TENM3: variants seen among roughly 807,000 people sequenced by gnomAD.
TENM3 encodes the protein teneurin-3.
A neutral mutation model predicts 255.1 loss-of-function variants in TENM3; 63 were observed. The observed-to-expected ratio is 0.25, with a 90% CI of 0.20 to 0.30. The LOEUF is 0.30. Ranked by LOEUF, TENM3 falls within the 10% of genes least tolerant of loss-of-function variation. TENM3 has a pLI of 1.00. For missense variants in TENM3, 2,929 were observed against 3,461.1 expected (o/e 0.85, Z 3.86); for synonymous variants, 1,306 against 1,322.3 (o/e 0.99, Z 0.27).
At chr4:182,761,526 GA>G (rs370963326) in intron 22 of TENM3, among the ~76,000 whole-genome samples, 1 of 152,028 alleles carries the variant, frequency 6.6e-6, no homozygotes, top group African/African-American at 2.4e-5. Flanking sequence ...CTGAAACACT[GA>G]ACCTTGCATC....
At chr4:182,211,842 A>G (rs1043866688) in intron 1 of TENM3, among the ~76,000 whole-genome samples, 2 of 152,170 alleles carry the variant, frequency 1.3e-5, no homozygotes, top group Non-Finnish European at 2.9e-5. Flanking sequence ...GTGACTTTGT[A>G]CAGATTCCTT....
At chr4:181,557,945 C>T in the TENM3 span, among the ~76,000 whole-genome samples, 2 of 152,194 alleles carry the variant, frequency 1.3e-5, no homozygotes, top group African/African-American at 2.4e-5. Flanking sequence ...TCAGGTCTAT[C>T]GAAGCCTAAA....
the TENM3 span, among the ~76,000 whole-genome samples, chr4:181,773,835 T>C: frequency 6.6e-6 from 1 of 152,150 alleles, no homozygotes; most frequent in African/African-American, 2.4e-5. Context: ...ATGTCCAATT[T>C]TAAGGGGCCT....
At chr4:182,048,385 C>T in the TENM3 span, among the ~76,000 whole-genome samples, 2 of 152,094 alleles carry the variant, frequency 1.3e-5, no homozygotes, top group African/African-American at 4.8e-5. Flanking sequence ...ATAACACCTC[C>T]TTAGTTCACC....
At chr4:182,418,952 C>T (rs985693436) in intron 3 of TENM3, among the ~76,000 whole-genome samples, 25 of 152,062 alleles carry the variant, frequency 1.6e-4, no homozygotes, top group African/African-American at 3.9e-4. Context: ...CGGCACGTTC[C>T]GTCCTTAGGG....
intron 2 of TENM3, among the ~76,000 whole-genome samples, chr4:182,341,330 CT>C (rs1472672698): frequency 1.3e-5 from 2 of 151,900 alleles, no homozygotes; most frequent in Non-Finnish European, 2.9e-5. Flanking sequence ...CATTTACAAC[CT>C]TTTCTAAATG....
chr4:182,033,154 T>C, the TENM3 span, among the ~76,000 whole-genome samples: 185 of 152,300 alleles, frequency 1.2e-3, no homozygotes, highest in African/African-American at 4.3e-3. Context: ...ACTTGAGATC[T>C]TTCTAGCTTT....
intron 3 of TENM3, among the ~76,000 whole-genome samples, chr4:182,483,107 T>C (rs1734356429): frequency 6.6e-6 from 1 of 152,192 alleles, no homozygotes; most frequent in South Asian, 2.1e-4. Context: ...ATTCAAGCTT[T>C]AAAGCAGAAC....
the TENM3 span, among the ~76,000 whole-genome samples, chr4:181,918,044 G>T: frequency 7.6e-3 from 1,154 of 152,156 alleles, 12 homozygotes; most frequent in African/African-American, 0.021. Context: ...CTACTTTTGT[G>T]CTTCTCACTT....
intron 4 of TENM3, 45 bp downstream of exon 4, chr4:182,601,206 A>C: frequency 1.0e-5 from 15 of 1,465,932 alleles, no homozygotes; most frequent in Non-Finnish European, 1.3e-5. Flanking sequence ...CCCTTTTCTC[A>C]CCAGGAGCAA....
the TENM3 span, among the ~76,000 whole-genome samples, chr4:182,054,630 G>T: frequency 6.6e-6 from 1 of 152,102 alleles, no homozygotes; most frequent in Non-Finnish European, 1.5e-5. Context: ...AAGGATATTA[G>T]ATTGTCATTA....
chr4:182,564,556 G>A (rs1743566240), intron 3 of TENM3, among the ~76,000 whole-genome samples: 1 of 142,954 alleles, frequency 7.0e-6, no homozygotes, highest in African/African-American at 2.5e-5. Context: ...GTTTTCGTTT[G>A]TTTTTTTGTT....
the TENM3 span, among the ~76,000 whole-genome samples, chr4:181,876,603 T>C: frequency 6.6e-6 from 1 of 152,230 alleles, no homozygotes; most frequent in Non-Finnish European, 1.5e-5. Flanking sequence ...AATCTGTTTC[T>C]ATTTTTCAAT....
chr4:182,715,696 T>C (rs1046371950), intron 13 of TENM3, among the ~76,000 whole-genome samples: 1 of 152,144 alleles, frequency 6.6e-6, no homozygotes, highest in African/African-American at 2.4e-5. Flanking sequence ...TACTATTCTG[T>C]AGGAAACAGA....
chr4:181,658,416 C>G, the TENM3 span, among the ~76,000 whole-genome samples: 1 of 152,152 alleles, frequency 6.6e-6, no homozygotes, highest in Non-Finnish European at 1.5e-5. Context: ...GGCAGTATCT[C>G]AAGTGTACTG....
chr4:182,262,088 A>T (rs1217366538), intron 1 of TENM3, among the ~76,000 whole-genome samples: 1 of 152,162 alleles, frequency 6.6e-6, no homozygotes, highest in Non-Finnish European at 1.5e-5. Context: ...CTGTTTCCGG[A>T]TATGGATGTG....
At chr4:181,529,109 A>G in the TENM3 span, among the ~76,000 whole-genome samples, 5 of 152,240 alleles carry the variant, frequency 3.3e-5, no homozygotes, top group Admixed American at 6.5e-5. Context: ...CAAAAGGGTT[A>G]AAACATCTTG....
At chr4:182,706,959 C>CA (rs71605083) in intron 12 of TENM3, among the ~76,000 whole-genome samples, 17,564 of 125,716 alleles carry the variant, frequency 0.14, 1,162 homozygotes, top group South Asian at 0.17. Context: ...ACCCTGTATC[C>CA]AAAAAAAAAA....
the TENM3 span, among the ~76,000 whole-genome samples, chr4:181,851,861 C>T: frequency 6.6e-6 from 1 of 152,104 alleles, no homozygotes; most frequent in Non-Finnish European, 1.5e-5. Flanking sequence ...GCGACCACTG[C>T]GACATTTTAA....
Sources: gnomAD v4.1 joint callset for allele counts (sites outside exome capture counted in the v4.1 genomes callset) on GRCh38, gnomAD v4.1.1 for gene constraint, MANE v1.5 for transcripts, NCBI Gene and HGNC (gene_info 2026-07-23, HGNC 2026-07-21) for gene names.